Variants in XDH observed in about 807,000 individuals in gnomAD.
The protein encoded by XDH is xanthine dehydrogenase.
XDH carries 138 observed loss-of-function variants against 156.1 expected under a neutral mutation model. That is an observed-to-expected ratio of 0.88 (90% confidence interval 0.77 to 1.02). The LOEUF is 1.02. XDH is among the 50% of genes least tolerant of loss of function. The probability of loss-of-function intolerance (pLI) is 0.00; values close to 1 mark genes in which losing one functional copy is unlikely to be tolerated. For missense variants in XDH, 1,849 were observed against 1,684.9 expected (o/e 1.10, Z -1.71); for synonymous variants, 669 against 625.7 (o/e 1.07, Z -1.03).
intron 6 of XDH, among the ~76,000 whole-genome samples, chr2:31,395,441 G>A (rs1686877504): frequency 6.6e-6 from 1 of 152,122 alleles, no homozygotes; most frequent in Non-Finnish European, 1.5e-5. Flanking sequence ...TTTCTTCTGA[G>A]GACAGGCCTT....
At chr2:31,401,126 C>T in intron 4 of XDH, 94 bp downstream of exon 4, 1 of 1,425,786 alleles carries the variant, frequency 7.0e-7, no homozygotes, top group East Asian at 2.4e-5. Flanking sequence ...AAACTCTTCC[C>T]AACAACCCAA....
intron 1 of XDH, among the ~76,000 whole-genome samples, chr2:31,413,649 CA>C (rs1294074986): frequency 6.6e-6 from 1 of 152,156 alleles, no homozygotes. Flanking sequence ...TTTCTCAACT[CA>C]ATGCAAAAAT....
chr2:31,355,685 A>G (rs1685605148), intron 24 of XDH, among the ~76,000 whole-genome samples: 1 of 152,122 alleles, frequency 6.6e-6, no homozygotes, highest in Non-Finnish European at 1.5e-5. Flanking sequence ...TAACCCACCC[A>G]CAGCAAGGCA....
Position 31,346,752 on chromosome 2 carries a change from G to C in XDH, c.3351+17C>G. ...CCCTCTCCTTTGCAAACGTGACTTG[G>C]ATCAGCTCAGACTTACCCAGTCTTC... On this transcript the variant is annotated intron_variant, in intron 30 of 35. Coordinates refer to ENST00000379416, the MANE Select transcript of XDH (RefSeq NM_000379.4). 6.2e-7 allele frequency: 1 copy of C among 1,614,094 alleles called. No individual in the cohort carries two copies. Among genetic ancestry groups the C allele is most frequent in the Non-Finnish European group, 8.5e-7 (1 of 1,180,008 alleles).
Position 31,379,845 on chromosome 2 carries a change from G to A in XDH, c.1242+22C>T, listed in dbSNP as rs374768825. 279 of 1,610,982 alleles carry A rather than the reference G, an allele frequency of 1.7e-4. No homozygotes were observed. In the African/African-American group the frequency reaches 3.4e-3, roughly 19 times the overall value. On this transcript the variant is annotated intron_variant, in intron 13 of 35. Transcript: ENST00000379416. ...AATAGGACTTATTTGAGCAGAGCCT[G>A]GAACCACTTCCAACATCTCACCTCC...
At chr2:31,349,555 T>A (rs1359376054) in intron 26 of XDH, 131 bp downstream of exon 26, 1 of 1,329,626 alleles carries the variant, frequency 7.5e-7, no homozygotes, top group Non-Finnish European at 1.1e-6. Context: ...GAGATGGCTG[T>A]GAATGAGTTG....
intron 31 of XDH, 77 bp from the exon 32 acceptor site, chr2:31,342,374 C>T (rs2148750519): frequency 7.8e-7 from 1 of 1,275,800 alleles, no homozygotes; most frequent in Non-Finnish European, 1.1e-6. Flanking sequence ...ACAGCTTGAC[C>T]CACAACATCT....
At chr2:31,368,975 T>G (rs1427384977) in intron 18 of XDH, among the ~76,000 whole-genome samples, 1 of 152,212 alleles carries the variant, frequency 6.6e-6, no homozygotes, top group Non-Finnish European at 1.5e-5. Context: ...CACCAGGAAG[T>G]GCATTTGTCA....
At chr2:31,398,777 CA>C in intron 4 of XDH, 78 bp from the exon 5 acceptor site, 1 of 1,599,636 alleles carries the variant, frequency 6.3e-7, no homozygotes, top group South Asian at 1.1e-5. Flanking sequence ...CTGGAGCCAG[CA>C]CATGTTGAGA....
intron 4 of XDH, among the ~76,000 whole-genome samples, chr2:31,400,702 T>C (rs1200147656): frequency 1.3e-5 from 2 of 152,240 alleles, no homozygotes; most frequent in African/African-American, 4.8e-5. Flanking sequence ...ATCTCTGTCA[T>C]CTTATTTAGC....
intron 20 of XDH, 30 bp downstream of exon 20, chr2:31,367,931 C>T (rs889623812): frequency 2.5e-6 from 4 of 1,608,662 alleles, no homozygotes; most frequent in Non-Finnish European, 3.4e-6. Context: ...AGGGCCACCC[C>T]ATTCCCACTG....
chr2:31,344,562 T>C, intron 31 of XDH, 122 bp downstream of exon 31: 1 of 1,129,552 alleles, frequency 8.9e-7, no homozygotes. Context: ...GGAAGTCTGT[T>C]GAAGAGATAA....
At position 31,386,523 on chromosome 2, in the gene XDH, T is replaced by A; in HGVS notation, c.684A>T (p.Arg228=). The A allele has an allele frequency of 6.2e-7, 1 of 1,614,104 alleles. No homozygotes were observed. The highest frequency in any genetic ancestry group is 1.1e-5 in the South Asian group (1 of 91,076). ...TCCACGTCACACGCTCCCCTTCAAA[T>A]CGCAGCTGCTTCCGAGGAGTGTCTT... ...RLKDTPRKQL[R]FEGERVTWIQ... Residue 228 remains arginine, a synonymous_variant, in exon 9 of 36, where the codon CGA becomes CGT. Transcript: ENST00000379416.
chr2:31,349,915 C>G, intron 25 of XDH, 84 bp from the exon 26 acceptor site: 1 of 1,611,776 alleles, frequency 6.2e-7, no homozygotes, highest in South Asian at 1.1e-5. Flanking sequence ...AGCTTCCAAC[C>G]CCCTCAGCAG....
chr2:31,367,063 G>T (rs1685934899), intron 20 of XDH, 69 bp from the exon 21 acceptor site: 3 of 1,612,292 alleles, frequency 1.9e-6, no homozygotes, highest in Non-Finnish European at 2.5e-6. Context: ...CCTAAGGAGA[G>T]AGTATACTCT....
intron 13 of XDH, 140 bp from the exon 14 acceptor site, chr2:31,377,377 A>G (rs1686273712): frequency 2.3e-6 from 2 of 886,802 alleles, no homozygotes; most frequent in African/African-American, 1.7e-5. Flanking sequence ...CCCGGGAATC[A>G]AAGATCAAAT....
In XDH at chr2:31,405,862, C is replaced by T. The variant is rs748354135; in HGVS notation, c.100+45G>A. The stretch of plus-strand genomic sequence containing the variant: ...AATGTAAGGCCTACAGAATCAGTCA[C>T]CATTGCCCCCCTTCTCCGTCACTCC... On this transcript the variant is annotated intron_variant, in intron 2 of 35. Coordinates refer to ENST00000379416, the MANE Select transcript of XDH (RefSeq NM_000379.4). 1.9e-6 allele frequency: 3 copies of T among 1,609,030 alleles called. No individual in the cohort carries two copies. In the African/African-American group the frequency reaches 4.0e-5, roughly 22 times the overall value.
At chr2:31,378,299 T>A (rs951345553) in intron 13 of XDH, among the ~76,000 whole-genome samples, 5 of 152,146 alleles carry the variant, frequency 3.3e-5, no homozygotes, top group African/African-American at 1.2e-4. Flanking sequence ...CCAGGATCTT[T>A]CTTTAAGGAT....
At chr2:31,385,223 G>T (rs535359358) in intron 9 of XDH, among the ~76,000 whole-genome samples, 3 of 152,124 alleles carry the variant, frequency 2.0e-5, no homozygotes, top group Admixed American at 6.5e-5. Context: ...GACCTCCTAA[G>T]ATTCCCCCAG....
Sources: gnomAD v4.1 joint callset for allele counts (sites outside exome capture counted in the v4.1 genomes callset) on GRCh38, gnomAD v4.1.1 for gene constraint, MANE v1.5 for transcripts, NCBI Gene and HGNC (gene_info 2026-07-23, HGNC 2026-07-21) for gene names.